The following DOCK7 variants were observed in gnomAD, a reference collection of about 807,000 sequenced individuals.
DOCK7 encodes the protein dedicator of cytokinesis protein 7.
DOCK7 carries 138 observed loss-of-function variants against 271.0 expected under a neutral mutation model. The ratio of observed to expected loss-of-function variants is 0.51; its 90% CI spans 0.44 to 0.59. The LOEUF (loss-of-function observed/expected upper bound fraction) is 0.59, where lower values mean the gene tolerates loss of function less well. Ranked by LOEUF, DOCK7 falls within the 20% of genes least tolerant of loss-of-function variation. DOCK7 has a pLI of 0.00. For synonymous variants in DOCK7, 823 were observed against 876.1 expected (o/e 0.94, Z 1.07); for missense variants, 2,066 against 2,592.4 (o/e 0.80, Z 4.41).
chr1:62,523,012 G>T lies in DOCK7; in HGVS notation c.3936+5139C>A, dbSNP rs1010369803. ...ACAAAAGATATGCTAGTCCTCCTTG[G>T]TAGAAACTAAAAAAGTTTATGTACT... On this transcript the variant is annotated intron_variant, in intron 31 of 49. Coordinates refer to ENST00000635253, the MANE Select transcript of DOCK7 (RefSeq NM_001367561.1). 2.6e-5 allele frequency among the ~76,000 whole-genome samples: 4 copies of T among 152,000 alleles called. No homozygotes were observed. In the South Asian group the frequency reaches 6.2e-4, roughly 24 times the overall value.
chr1:62,653,813 A>G lies in DOCK7; in HGVS notation c.321-20T>C. 1.9e-6 allele frequency: 3 copies of G among 1,550,268 alleles called. No individual in the cohort carries two copies. The highest frequency in any genetic ancestry group is 1.1e-5 in the South Asian group (1 of 88,468). On this transcript the variant is annotated intron_variant, in intron 3 of 49. Coordinates refer to ENST00000635253, the MANE Select transcript of DOCK7 (RefSeq NM_001367561.1). ...ATTTCACTATTTTAAAAAGGAAAAT[A>G]CATTTGTAATTTAGACGGGACAGCA...
intron 37 of DOCK7, among the ~76,000 whole-genome samples, chr1:62,499,930 C>A (rs1405197919): frequency 2.1e-5 from 1 of 46,854 alleles, no homozygotes; most frequent in Non-Finnish European, 4.5e-5. Context: ...AGTTGTAAAA[C>A]TGTTCTGAAA....
intron 25 of DOCK7, among the ~76,000 whole-genome samples, chr1:62,540,928 T>C (rs1214102782): frequency 2.0e-5 from 3 of 152,164 alleles, no homozygotes; most frequent in African/African-American, 4.8e-5. Flanking sequence ...AGGAAAAAAA[T>C]GAATTGTCAC....
intron 14 of DOCK7, chr1:62,598,599 T>C (rs1649638688): frequency 2.8e-6 from 2 of 717,202 alleles, no homozygotes; most frequent in East Asian, 2.7e-5. Flanking sequence ...TTCAAATCCA[T>C]TATTAGTTTA....
In DOCK7 at chr1:62,590,770, C is replaced by T. The variant is rs963936194; in HGVS notation, c.1683-4146G>A. ...AACATCACTGATCATGAGAGAAATG[C>T]AATTCAAAACCACAATAAGATACCA... is the stretch of plus-strand genomic sequence containing the variant. On this transcript the variant is annotated intron_variant, in intron 14 of 49. Transcript: ENST00000635253. 1.1e-4 allele frequency among the ~76,000 whole-genome samples: 17 copies of T among 152,012 alleles called. 1 individual carries two copies. The highest frequency in any genetic ancestry group is 4.1e-4 in the African/African-American group (17 of 41,372).
chr1:62,528,926 T>A (rs1021828836), intron 30 of DOCK7, among the ~76,000 whole-genome samples: 1 of 152,180 alleles, frequency 6.6e-6, no homozygotes, highest in East Asian at 1.9e-4. Context: ...CATTTCAATT[T>A]TATATATATG....
chr1:62,621,330 A>G (rs1653209534), intron 12 of DOCK7, among the ~76,000 whole-genome samples: 1 of 152,220 alleles, frequency 6.6e-6, no homozygotes, highest in Non-Finnish European at 1.5e-5. Context: ...CGATTAACAC[A>G]AATGTTCAAT....
intron 7 of DOCK7, chr1:62,641,610 C>G: frequency 4.3e-6 from 2 of 469,118 alleles, no homozygotes; most frequent in South Asian, 3.1e-5. Context: ...TGGATGCCCT[C>G]GCAACACATG....
intron 28 of DOCK7, among the ~76,000 whole-genome samples, chr1:62,536,199 G>C (rs988172616): frequency 2.0e-5 from 3 of 151,960 alleles, no homozygotes; most frequent in Non-Finnish European, 4.4e-5. Context: ...GGGTTTCTTA[G>C]TGCAACAATA....
intron 48 of DOCK7, among the ~76,000 whole-genome samples, chr1:62,468,541 T>C (rs1050706785): frequency 1.3e-5 from 2 of 152,028 alleles, no homozygotes; most frequent in South Asian, 2.1e-4. Flanking sequence ...CTCTTCAACA[T>C]AGTACTGGAA....
chr1:62,558,961 G>T, intron 20 of DOCK7, 28 bp downstream of exon 20: 3 of 1,510,804 alleles, frequency 2.0e-6, no homozygotes, highest in South Asian at 1.2e-5. Context: ...TAAATTTCAC[G>T]TCTCATCCCC....
intron 11 of DOCK7, among the ~76,000 whole-genome samples, chr1:62,630,941 T>C (rs1654548240): frequency 6.6e-6 from 1 of 152,174 alleles, no homozygotes; most frequent in African/African-American, 2.4e-5. Flanking sequence ...TCCCAGCATT[T>C]TGGGAGGCCG....
chr1:62,646,211 G>A (rs552706343), intron 7 of DOCK7, among the ~76,000 whole-genome samples: 18 of 150,650 alleles, frequency 1.2e-4, no homozygotes, highest in African/African-American at 3.4e-4. Flanking sequence ...ACAGATGAAC[G>A]TTGAAAACAT....
intron 7 of DOCK7, chr1:62,641,758 G>T: frequency 3.3e-6 from 1 of 302,992 alleles, no homozygotes; most frequent in Non-Finnish European, 6.6e-6. Context: ...AATTGGGTGT[G>T]TTTTCACATT....
At chr1:62,469,448 C>T (rs747840125) in intron 48 of DOCK7, among the ~76,000 whole-genome samples, 2 of 152,146 alleles carry the variant, frequency 1.3e-5, no homozygotes, top group African/African-American at 2.4e-5. Flanking sequence ...ACATCTAATA[C>T]CTGAAACTAT....
At chr1:62,639,667 G>A (rs1655751469) in intron 7 of DOCK7, among the ~76,000 whole-genome samples, 2 of 151,658 alleles carry the variant, frequency 1.3e-5, no homozygotes, top group Admixed American at 1.3e-4. Flanking sequence ...CTGACCTGGT[G>A]ATCCACCTGC....
chr1:62,514,565 A>G (rs575669667), intron 31 of DOCK7, among the ~76,000 whole-genome samples: 140 of 152,246 alleles, frequency 9.2e-4, no homozygotes, highest in African/African-American at 3.2e-3. Flanking sequence ...AACATTTTAC[A>G]TACATTATTT....
chr1:62,538,497 G>A (rs1645422322), intron 27 of DOCK7, among the ~76,000 whole-genome samples: 2 of 152,116 alleles, frequency 1.3e-5, no homozygotes, highest in African/African-American at 2.4e-5. Flanking sequence ...TGATTTAACA[G>A]CTTTAGTGTC....
intron 15 of DOCK7, among the ~76,000 whole-genome samples, chr1:62,583,477 T>C (rs1024679970): frequency 7.2e-5 from 11 of 152,234 alleles, no homozygotes; most frequent in Non-Finnish European, 1.5e-4. Flanking sequence ...TTCAAAAGTT[T>C]CTATCAATTT....
Sources: gnomAD v4.1 joint callset for allele counts (sites outside exome capture counted in the v4.1 genomes callset) on GRCh38, gnomAD v4.1.1 for gene constraint, MANE v1.5 for transcripts, NCBI Gene and HGNC (gene_info 2026-07-23, HGNC 2026-07-21) for gene names.